UBXN2B: variants seen among roughly 807,000 people sequenced by gnomAD.
The protein encoded by UBXN2B is UBX domain-containing protein 2B.
UBXN2B carries 19 observed loss-of-function variants against 37.5 expected under a neutral mutation model. The observed-to-expected ratio is 0.51, with a 90% CI of 0.35 to 0.74. The LOEUF is 0.74. Among genes scored for constraint, UBXN2B ranks in the 30% least tolerant of loss-of-function variants. UBXN2B has a pLI of 0.01. For synonymous variants in UBXN2B, 145 were observed against 143.8 expected (o/e 1.01, Z -0.06); for missense variants, 370 against 393.2 (o/e 0.94, Z 0.50).
At chr8:58,432,375 C>CTTTTTTTTT (rs34018318) in intron 3 of UBXN2B, among the ~76,000 whole-genome samples, 26 of 81,504 alleles carry the variant, frequency 3.2e-4, no homozygotes, top group Non-Finnish European at 4.1e-4. Flanking sequence ...TTCTAAATTT[C>CTTTTTTTTT]TTTTTTTTTT....
intron 7 of UBXN2B, among the ~76,000 whole-genome samples, chr8:58,446,339 C>G (rs1183877587): frequency 6.6e-6 from 1 of 151,988 alleles, no homozygotes; most frequent in South Asian, 2.1e-4. Flanking sequence ...TATAGTTTTA[C>G]GTTGTTACTA....
In UBXN2B at chr8:58,451,049, G is replaced by A. The variant is rs1421397216; in HGVS notation, c.*3498G>A. ...TTTTCATGGGTCAAAATCATCTTCC[G>A]AAGAAAATGATTTCTTAAAAGAATT... On this transcript the variant is annotated 3_prime_UTR_variant, in exon 8 of 8. Transcript: ENST00000399598. The A allele has an allele frequency of 2.6e-5, 4 of 152,694 alleles. No homozygotes were observed. Among genetic ancestry groups the A allele is most frequent in the East Asian group, 3.9e-4 (2 of 5,188 alleles). 9.5% of individuals were successfully genotyped at this position (152,694 alleles called of 1,614,324 possible).
Position 58,450,216 on chromosome 8 carries a change from G to A in UBXN2B, c.*2665G>A, listed in dbSNP as rs898909386. ...GGCCGCGAATTTCCCAAATCATCAA[G>A]TCCTGGTTTCTTTATATTTAACAGG... On this transcript the variant is annotated 3_prime_UTR_variant, in exon 8 of 8. Coordinates refer to ENST00000399598, the MANE Select transcript of UBXN2B (RefSeq NM_001077619.2). 8.5e-5 allele frequency: 13 copies of A among 152,276 alleles called. No individual in the cohort carries two copies. Among genetic ancestry groups the A allele is most frequent in the African/African-American group, 3.1e-4 (13 of 41,574 alleles). The allele number at this position is 152,276 out of a possible 1,614,324, so 9.4% of individuals were successfully genotyped here.
intron 2 of UBXN2B, 23 bp downstream of exon 2, chr8:58,416,976 G>T (rs1257812448): frequency 6.5e-7 from 1 of 1,535,912 alleles, no homozygotes; most frequent in East Asian, 2.3e-5. Flanking sequence ...TTGTTTTGTT[G>T]TAAAAAGAAA....
chr8:58,426,746 G>A (rs1221999400), intron 2 of UBXN2B: 13 of 652,432 alleles, frequency 2.0e-5, no homozygotes, highest in East Asian at 5.9e-5. Flanking sequence ...CACTGGGCTC[G>A]GTCACGTTGG....
chr8:58,413,136 G>GT (rs1807681499), intron 1 of UBXN2B, among the ~76,000 whole-genome samples: 1 of 152,144 alleles, frequency 6.6e-6, no homozygotes, highest in Admixed American at 6.5e-5. Flanking sequence ...GTTGCTAATT[G>GT]TGAGAATGCC....
chr8:58,446,778 C>CTTTTTT (rs1585622637), intron 7 of UBXN2B, among the ~76,000 whole-genome samples: 3 of 14,970 alleles, frequency 2.0e-4, no homozygotes, highest in Non-Finnish European at 2.8e-4. Context: ...GTACAACCTG[C>CTTTTTT]ATTTTTTTTT....
In UBXN2B at chr8:58,430,630, GA is replaced by G. The variant is rs1808247899; in HGVS notation, c.302del (p.Asn101MetfsTer55). ...EAREHGAVPLNEATRASGDDK... is the reference protein window; with the variant it reads ...EAREHGAVPLXEATRASGDDK... ...CAAGGGAACATGGGGCTGTCCCTCT[GA>G]ATGAAGCCACAAGAGCTTCAGGTGA... On this transcript the variant is annotated frameshift_variant, in exon 3 of 8. Coordinates refer to ENST00000399598, the MANE Select transcript of UBXN2B (RefSeq NM_001077619.2). LOFTEE classifies it high-confidence loss of function. 6.3e-7 allele frequency: 1 copy of G among 1,593,216 alleles called. No individual in the cohort carries two copies. The highest frequency in any genetic ancestry group is 1.3e-5 in the African/African-American group (1 of 74,294).
intron 2 of UBXN2B, among the ~76,000 whole-genome samples, chr8:58,427,989 A>G (rs1808147332): frequency 6.6e-6 from 1 of 152,180 alleles, no homozygotes; most frequent in Non-Finnish European, 1.5e-5. Context: ...TCCAGGAGAG[A>G]GTTCAACTAT....
chr8:58,447,131 CACTT>C (rs1162746564), intron 7 of UBXN2B, among the ~76,000 whole-genome samples: 1 of 151,994 alleles, frequency 6.6e-6, no homozygotes, highest in Non-Finnish European at 1.5e-5. Context: ...AACATTAGTA[CACTT>C]ACTTTATTCA....
At chr8:58,429,194 T>C (rs1336240155) in intron 2 of UBXN2B, among the ~76,000 whole-genome samples, 1 of 152,202 alleles carries the variant, frequency 6.6e-6, no homozygotes, top group Admixed American at 6.5e-5. Context: ...TGGAAAGCCT[T>C]GAAGGTGACT....
At chr8:58,447,251 A>C in intron 7 of UBXN2B, 138 bp from the exon 8 acceptor site, 1 of 722,922 alleles carries the variant, frequency 1.4e-6, no homozygotes, top group South Asian at 2.9e-5. Context: ...CCTTCAATTG[A>C]AATACTATAT....
chr8:58,415,638 C>A (rs924199394), intron 1 of UBXN2B, among the ~76,000 whole-genome samples: 1 of 151,962 alleles, frequency 6.6e-6, no homozygotes, highest in Non-Finnish European at 1.5e-5. Context: ...ATTATTTAAT[C>A]CTTCAAATGA....
intron 2 of UBXN2B, chr8:58,424,761 C>T (rs1435000680): frequency 1.5e-5 from 21 of 1,426,280 alleles, no homozygotes; most frequent in African/African-American, 2.8e-5. Flanking sequence ...CATGACCTTT[C>T]CTCTTGCTTT....
chr8:58,445,477 A>G (rs1390567114), intron 6 of UBXN2B, among the ~76,000 whole-genome samples: 1 of 152,208 alleles, frequency 6.6e-6, no homozygotes, highest in East Asian at 1.9e-4. Flanking sequence ...ACTTACTGGT[A>G]TAATATACCT....
intron 2 of UBXN2B, among the ~76,000 whole-genome samples, chr8:58,429,544 G>T (rs1051949038): frequency 6.6e-6 from 1 of 152,290 alleles, no homozygotes; most frequent in African/African-American, 2.4e-5. Context: ...GTGTCTCCTT[G>T]TTCTCCATCC....
At chr8:58,412,460 G>A (rs1294865519) in intron 1 of UBXN2B, among the ~76,000 whole-genome samples, 1 of 152,208 alleles carries the variant, frequency 6.6e-6, no homozygotes, top group African/African-American at 2.4e-5. Context: ...TTTTAAGATG[G>A]AGTATGATTG....
intron 3 of UBXN2B, 114 bp downstream of exon 3, chr8:58,430,783 T>C: frequency 1.2e-6 from 1 of 855,086 alleles, no homozygotes; most frequent in Non-Finnish European, 1.6e-6. Flanking sequence ...TTTAAATATT[T>C]GTTTCATTTT....
intron 2 of UBXN2B, among the ~76,000 whole-genome samples, chr8:58,428,956 G>A (rs1009626023): frequency 4.6e-5 from 7 of 152,132 alleles, no homozygotes; most frequent in African/African-American, 1.4e-4. Context: ...ACCTATAAAC[G>A]TCAGTTCCAT....
Sources: gnomAD v4.1 joint callset for allele counts (sites outside exome capture counted in the v4.1 genomes callset) on GRCh38, gnomAD v4.1.1 for gene constraint, MANE v1.5 for transcripts, NCBI Gene and HGNC (gene_info 2026-07-23, HGNC 2026-07-21) for gene names.